The following TAFA3 variants were observed in gnomAD, a reference collection of about 807,000 sequenced individuals.
TAFA3 encodes the protein chemokine-like protein TAFA-3.
TAFA3 carries 17 observed loss-of-function variants against 20.7 expected under a neutral mutation model. The observed-to-expected ratio is 0.82, with a 90% CI of 0.56 to 1.23. The LOEUF is 1.23. TAFA3 is among the 50% of genes most tolerant of loss of function. The probability of loss-of-function intolerance (pLI) is 0.00; values close to 1 mark genes in which losing one functional copy is unlikely to be tolerated. For missense variants in TAFA3, 174 were observed against 172.8 expected, an observed-to-expected ratio of 1.01 and a Z score of -0.04; for synonymous variants, 74 against 71.8, an observed-to-expected ratio of 1.03 and a Z score of -0.16.
chr1:112,724,409 A>T (rs1675409589), intron 5 of TAFA3, among the ~76,000 whole-genome samples: 1 of 152,030 alleles, frequency 6.6e-6, no homozygotes, highest in Non-Finnish European at 1.5e-5. Context: ...GCCTCCAGAA[A>T]ATATCAGGCC....
At position 112,724,816 on chromosome 1, in the gene TAFA3, CAA is replaced by C; in HGVS notation, c.390+702_390+703del. ...AAAAAAAAACAACATATTAGAGCAG[CAA>C]AAAAAAAAAAAAAAAAAAAAAAGAG... On this transcript the variant is annotated intron_variant, in intron 5 of 5. Transcript: ENST00000361886. 4.4e-4 allele frequency among the ~76,000 whole-genome samples: 10 copies of C among 22,652 alleles called. No homozygotes were observed. The Admixed American group carries it at 7.0e-3, about 16-fold the overall frequency. The allele number at this position is 22,652 out of a possible 152,430, so 14.9% of individuals were successfully genotyped here. A position where few individuals can be genotyped will look rare whatever the true frequency, so the allele number is the denominator to read the frequency against.
chr1:112,724,816 C>CAAAAAAAAAAAAAAAAA, intron 5 of TAFA3, among the ~76,000 whole-genome samples: 11 of 22,660 alleles, frequency 4.9e-4, no homozygotes, highest in East Asian at 3.2e-3. Flanking sequence ...ATTAGAGCAG[C>CAAAAAAAAAAAAAAAAA]AAAAAAAAAA....
At chr1:112,725,639 G>C (rs1389742299) in intron 5 of TAFA3, among the ~76,000 whole-genome samples, 3 of 150,158 alleles carry the variant, frequency 2.0e-5, no homozygotes, top group African/African-American at 7.4e-5. Context: ...TTATTTTCAT[G>C]GTTTGCTGCC....
chr1:112,722,098 C>T lies in TAFA3; in HGVS notation c.-1-135C>T, dbSNP rs992672647. The T allele has an allele frequency of 1.3e-4, 108 of 848,414 alleles. No homozygotes were observed. The East Asian group carries it at 2.5e-3, about 19-fold the overall frequency. 52.6% of individuals were successfully genotyped at this position (848,414 alleles called of 1,614,324 possible). ...CTGCCTGCATGACTCTGTGCCAGGT[C>T]GAAAGATGCCTGGGGACAAGGTGTG... On this transcript the variant is annotated intron_variant, in intron 2 of 5. Transcript: ENST00000361886.
intron 5 of TAFA3, among the ~76,000 whole-genome samples, chr1:112,726,136 C>CA (rs1347831566): frequency 6.7e-6 from 1 of 149,572 alleles, no homozygotes; most frequent in Non-Finnish European, 1.5e-5. Flanking sequence ...GACTCCATCT[C>CA]AAAAAAAGAA....
Position 112,720,195 on chromosome 1 carries a change from G to A in TAFA3, c.-59-382G>A, listed in dbSNP as rs12049081. ...TCAGGGCCTCAGGTATCTCCCACGT[G>A]CCTCTTCCAGCAGGAATCTGTCAGG... On this transcript the variant is annotated intron_variant, in intron 1 of 5. Coordinates refer to ENST00000361886, the MANE Select transcript of TAFA3 (RefSeq NM_182759.3). Among the ~76,000 whole-genome samples the A allele has an allele frequency of 1.3e-3, 203 of 152,126 alleles. 6 individuals carry two copies. In the East Asian group the frequency reaches 0.031, roughly 23 times the overall value.
chr1:112,724,165 C>T (rs371416112), intron 5 of TAFA3, 28 bp downstream of exon 5: 20 of 1,534,982 alleles, frequency 1.3e-5, no homozygotes, highest in Admixed American at 2.0e-5. Flanking sequence ...CTCATCCCAC[C>T]CTCCCCTTCC....
intron 2 of TAFA3, among the ~76,000 whole-genome samples, chr1:112,720,954 G>A (rs1462095223): frequency 6.6e-6 from 1 of 152,162 alleles, no homozygotes; most frequent in East Asian, 1.9e-4. Context: ...CGATGAAAGA[G>A]GAAAAGGAAA....
chr1:112,724,116 A>ACAC lies in TAFA3; in HGVS notation c.370_372dup (p.His124dup). 1 of 1,608,888 alleles carries ACAC rather than the reference A, an allele frequency of 6.2e-7. No homozygotes were observed. The highest frequency in any genetic ancestry group is 1.1e-5 in the South Asian group (1 of 90,546). On this transcript the variant is annotated inframe_insertion, in exon 5 of 6. Coordinates refer to ENST00000361886, the MANE Select transcript of TAFA3 (RefSeq NM_182759.3). The stretch of plus-strand genomic sequence containing the variant: ...TGTCGGGATGGAGCTGCAGCAGTGG[A>ACAC]CACAAAGTCAAAACCACCAAGGTAC...
chr1:112,723,816 G>C, intron 4 of TAFA3, 197 bp from the exon 5 acceptor site: 1 of 1,024,862 alleles, frequency 9.8e-7, no homozygotes, highest in Non-Finnish European at 1.4e-6. Flanking sequence ...TGGGATTAAA[G>C]TTGAGAGGGT....
rs145936467 is a variant in TAFA3 at position 112,725,105 on chromosome 1, T to C, written c.390+968T>C. 2.8e-3 allele frequency among the ~76,000 whole-genome samples: 424 copies of C among 152,268 alleles called. 2 individuals are homozygous for C. Among genetic ancestry groups the C allele is most frequent in the African/African-American group, 9.7e-3 (403 of 41,526 alleles). ...ACACCCTGGTTGCAGCTGAAGGCCA[T>C]GATCCTAAGGGACTTAGCATGGCAA... is the stretch of plus-strand genomic sequence containing the variant. On this transcript the variant is annotated intron_variant, in intron 5 of 5. Coordinates refer to ENST00000361886, the MANE Select transcript of TAFA3 (RefSeq NM_182759.3).
At chr1:112,722,905 CT>C in intron 3 of TAFA3, 110 bp from the exon 4 acceptor site, 14 of 1,372,858 alleles carry the variant, frequency 1.0e-5, no homozygotes, top group African/African-American at 5.8e-5. Flanking sequence ...CTGGCAGTCT[CT>C]TCCATAGCCC....
intron 4 of TAFA3, 25 bp from the exon 5 acceptor site, chr1:112,723,988 T>G (rs760468665): frequency 1.9e-5 from 30 of 1,613,412 alleles, no homozygotes; most frequent in Non-Finnish European, 2.5e-5. Context: ...ACCCTAGAGC[T>G]GCACTCCGCC....
In TAFA3 at chr1:112,723,009, C is replaced by T; in HGVS notation, c.116-7C>T. 4.4e-6 allele frequency: 7 copies of T among 1,606,594 alleles called. No homozygotes were observed. Among genetic ancestry groups the T allele is most frequent in the Non-Finnish European group, 5.1e-6 (6 of 1,176,332 alleles). ...TTGGGCGTCTGATCCTGGGCGGCTCCCCTCAGTGCTTGTGCAGCAGGGCAC... is the reference window on the plus strand; with the variant it reads ...TTGGGCGTCTGATCCTGGGCGGCTCTCCTCAGTGCTTGTGCAGCAGGGCAC... On this transcript the variant is annotated splice_polypyrimidine_tract_variant and splice_region_variant and intron_variant, in intron 3 of 5. Coordinates refer to ENST00000361886, the MANE Select transcript of TAFA3 (RefSeq NM_182759.3).
intron 5 of TAFA3, among the ~76,000 whole-genome samples, chr1:112,724,786 T>TAAA (rs58991438): frequency 1.9e-5 from 1 of 51,420 alleles, no homozygotes; most frequent in African/African-American, 7.4e-5. Flanking sequence ...AAGTATAATT[T>TAAA]AAAAAAAAAA....
At chr1:112,721,797 T>C (rs999864938) in intron 2 of TAFA3, among the ~76,000 whole-genome samples, 9 of 152,368 alleles carry the variant, frequency 5.9e-5, no homozygotes, top group African/African-American at 1.4e-4. Context: ...GCCAGTCTTT[T>C]ACTGATGGTT....
At chr1:112,723,265 T>C in intron 4 of TAFA3, 100 bp downstream of exon 4, 1 of 1,422,356 alleles carries the variant, frequency 7.0e-7, no homozygotes, top group Non-Finnish European at 9.3e-7. Flanking sequence ...CATACCCGTC[T>C]CAGGGCTTTC....
At chr1:112,724,707 C>T (rs535046109) in intron 5 of TAFA3, among the ~76,000 whole-genome samples, 7 of 145,056 alleles carry the variant, frequency 4.8e-5, no homozygotes, top group Admixed American at 2.8e-4. Context: ...GTGGGTGCAG[C>T]GCACCAGCAT....
chr1:112,722,141 T>A, intron 2 of TAFA3, 92 bp from the exon 3 acceptor site: 1 of 1,336,074 alleles, frequency 7.5e-7, no homozygotes, highest in African/African-American at 1.4e-5. Flanking sequence ...CCCATCTTTG[T>A]GCCTCCCAGA....
Sources: gnomAD v4.1 joint callset for allele counts (sites outside exome capture counted in the v4.1 genomes callset) on GRCh38, gnomAD v4.1.1 for gene constraint, MANE v1.5 for transcripts, NCBI Gene and HGNC (gene_info 2026-07-23, HGNC 2026-07-21) for gene names.